Variants in CORO2B observed in about 807,000 individuals in gnomAD.
The protein encoded by CORO2B is coronin 2B, also known as coronin-2B.
Under a neutral mutation model 58.8 loss-of-function variants are expected in CORO2B, and 26 were observed. That is an observed-to-expected ratio of 0.44 (90% CI 0.32 to 0.61). CORO2B has a LOEUF of 0.61. CORO2B is among the 20% of genes least tolerant of loss of function. CORO2B has a pLI of 0.04. For missense variants in CORO2B, 460 were observed against 645.1 expected, an observed-to-expected ratio of 0.71 and a Z score of 3.11; for synonymous variants, 242 against 253.8, an observed-to-expected ratio of 0.95 and a Z score of 0.44.
the CORO2B span, among the ~76,000 whole-genome samples, chr15:68,527,956 T>C: frequency 6.6e-6 from 1 of 152,180 alleles, no homozygotes. Flanking sequence ...GAAAAACAGC[T>C]GATCTTTACT....
chr15:68,716,992 AT>A (rs1893046617), intron 8 of CORO2B, among the ~76,000 whole-genome samples: 1 of 152,158 alleles, frequency 6.6e-6, no homozygotes, highest in Admixed American at 6.5e-5. Context: ...ACATGATGGG[AT>A]CCGAAATGTT....
intron 1 of CORO2B, among the ~76,000 whole-genome samples, chr15:68,583,245 G>C (rs558107972): frequency 2.6e-5 from 4 of 152,194 alleles, no homozygotes; most frequent in African/African-American, 7.2e-5. Flanking sequence ...TGTCTCTAGG[G>C]CCCCTACAGA....
At chr15:68,590,372 C>T (rs960384516) in intron 1 of CORO2B, among the ~76,000 whole-genome samples, 3 of 152,166 alleles carry the variant, frequency 2.0e-5, no homozygotes, top group African/African-American at 7.2e-5. Flanking sequence ...CCATGCCCAG[C>T]CCTGCACTTC....
chr15:68,705,955 C>T (rs1300491865), intron 3 of CORO2B, among the ~76,000 whole-genome samples: 1 of 152,232 alleles, frequency 6.6e-6, no homozygotes, highest in Admixed American at 6.5e-5. Flanking sequence ...CTGGGGCTCA[C>T]TCCACAGCCC....
intron 2 of CORO2B, among the ~76,000 whole-genome samples, chr15:68,679,240 CTG>C (rs1326707207): frequency 6.6e-6 from 1 of 152,224 alleles, no homozygotes; most frequent in Non-Finnish European, 1.5e-5. Flanking sequence ...GGGTTCTTGT[CTG>C]TGTTTGGTGA....
intron 1 of CORO2B, among the ~76,000 whole-genome samples, chr15:68,580,826 C>T (rs980776826): frequency 1.3e-5 from 2 of 152,046 alleles, no homozygotes; most frequent in African/African-American, 4.8e-5. Context: ...TCAGCGCCTC[C>T]CCTGTGTCTC....
rs1200894858 is a variant in CORO2B at position 68,645,775 on chromosome 15, T to C, written c.216+415T>C. On this transcript the variant is annotated intron_variant, in intron 2 of 11. Transcript: ENST00000261861. The surrounding 1 kb of genome is among the most constrained non-coding windows in gnomAD (Gnocchi z 4.5). The stretch of plus-strand genomic sequence containing the variant: ...ATACATTGAGCATCTGCAAAAATTA[T>C]ACAATTTTTTTTTTTTGAGATGGAG... Among the ~76,000 whole-genome samples, 1 of 151,394 alleles carries C rather than the reference T, an allele frequency of 6.6e-6. No individual in the cohort carries two copies. Among genetic ancestry groups the C allele is most frequent in the Non-Finnish European group, 1.5e-5 (1 of 67,968 alleles).
chr15:68,665,612 G>A (rs1902167975), intron 2 of CORO2B, among the ~76,000 whole-genome samples: 1 of 151,746 alleles, frequency 6.6e-6, no homozygotes. Context: ...TTTACTTTTT[G>A]TAGTCCTTTG....
At chr15:68,626,212 A>G (rs1900678439) in intron 1 of CORO2B, among the ~76,000 whole-genome samples, 1 of 152,194 alleles carries the variant, frequency 6.6e-6, no homozygotes, top group Non-Finnish European at 1.5e-5. Context: ...CAGGGCTCAG[A>G]TGAGAACCAT....
chr15:68,684,928 A>G (rs2140305245), intron 2 of CORO2B, among the ~76,000 whole-genome samples: 1 of 152,334 alleles, frequency 6.6e-6, no homozygotes, highest in South Asian at 2.1e-4. Flanking sequence ...ACTTCCAGTC[A>G]TAGAAGAGAG....
intron 2 of CORO2B, among the ~76,000 whole-genome samples, chr15:68,671,803 G>T (rs1217151564): frequency 6.6e-6 from 1 of 152,166 alleles, no homozygotes; most frequent in Non-Finnish European, 1.5e-5. Context: ...GCAGAAACTG[G>T]AATCTTGTGT....
chr15:68,650,374 A>ATTGGAG (rs1566995963), intron 2 of CORO2B, among the ~76,000 whole-genome samples: 3 of 18,356 alleles, frequency 1.6e-4, no homozygotes, highest in African/African-American at 2.9e-4. Flanking sequence ...AAAAAAAAAA[A>ATTGGAG]AAAAAAAAAA....
chr15:68,559,724 G>C, the CORO2B span: 25,975 of 824,002 alleles, frequency 0.032, 452 homozygotes, highest in Non-Finnish European at 0.034. This position sits in a 1 kb window ranked among gnomAD's most constrained non-coding sequence, Gnocchi z 4.3. Flanking sequence ...GGGGACTGTC[G>C]GTGAGGCTGC....
intron 1 of CORO2B, among the ~76,000 whole-genome samples, chr15:68,608,476 C>T (rs1253315168): frequency 6.6e-6 from 1 of 152,242 alleles, no homozygotes; most frequent in Non-Finnish European, 1.5e-5. Context: ...AGCCCTCTCC[C>T]TCAGGGAGCC....
At chr15:68,583,719 A>G (rs1181725210) in intron 1 of CORO2B, among the ~76,000 whole-genome samples, 3 of 152,140 alleles carry the variant, frequency 2.0e-5, no homozygotes, top group Admixed American at 2.0e-4. Flanking sequence ...GAATCTAGGT[A>G]CCCAGGAGAT....
chr15:68,528,859 A>G, the CORO2B span, among the ~76,000 whole-genome samples: 1 of 152,226 alleles, frequency 6.6e-6, no homozygotes, highest in Non-Finnish European at 1.5e-5. Flanking sequence ...TTCCAGTTTC[A>G]GTTTCAATTC....
intron 2 of CORO2B, among the ~76,000 whole-genome samples, chr15:68,694,678 TG>T (rs1892467251): frequency 6.6e-6 from 1 of 152,118 alleles, no homozygotes; most frequent in South Asian, 2.1e-4. Flanking sequence ...GACTGTGCCC[TG>T]GGGGAAGCAG....
the CORO2B span, among the ~76,000 whole-genome samples, chr15:68,556,169 T>A: frequency 6.6e-6 from 1 of 152,168 alleles, no homozygotes. Flanking sequence ...TCTCACCACC[T>A]TCCCACAATG....
chr15:68,623,260 T>C (rs1169298456), intron 1 of CORO2B, among the ~76,000 whole-genome samples: 4 of 152,192 alleles, frequency 2.6e-5, no homozygotes, highest in Non-Finnish European at 5.9e-5. Flanking sequence ...CCGGCCCGGC[T>C]CTTTTAAGCC....
Sources: allele counts gnomAD v4.1 joint callset (sites outside exome capture counted in the v4.1 genomes callset), GRCh38; gene constraint gnomAD v4.1.1; non-coding constraint Gnocchi (gnomAD v3.1); transcripts MANE v1.5; gene names NCBI Gene and HGNC (gene_info 2026-07-23, HGNC 2026-07-21).